DMD: variants seen among roughly 807,000 people sequenced by gnomAD.
DMD encodes the protein mutant dystrophin.
Under a neutral mutation model 330.1 loss-of-function variants are expected in DMD, and 63 were observed. The observed-to-expected ratio is 0.19, with a 90% CI of 0.16 to 0.24. The LOEUF is 0.24. Among genes scored for constraint, DMD ranks in the 10% least tolerant of loss-of-function variants. DMD has a pLI of 1.00. For synonymous variants in DMD, 1,223 were observed against 959.8 expected, an observed-to-expected ratio of 1.27 and a Z score of -5.07; for missense variants, 3,344 against 2,684.1, an observed-to-expected ratio of 1.25 and a Z score of -5.43.
intron 55 of DMD, among the ~76,000 whole-genome samples, chrX:31,543,247 T>G (rs1569550519): frequency 8.9e-6 from 1 of 111,774 alleles, no homozygotes; most frequent in Non-Finnish European, 1.9e-5. Flanking sequence ...CTTGTCTCAC[T>G]GCAACCTCCG....
At chrX:32,119,550 T>C (rs1449201492) in intron 44 of DMD, among the ~76,000 whole-genome samples, 1 of 110,699 alleles carries the variant, frequency 9.0e-6, no homozygotes, top group Non-Finnish European at 1.9e-5. Flanking sequence ...TGAGTCAAGG[T>C]CCCATTACTC....
intron 63 of DMD, among the ~76,000 whole-genome samples, chrX:31,252,840 C>T (rs1211960335): frequency 1.2e-4 from 13 of 111,184 alleles, no homozygotes; most frequent in Non-Finnish European, 2.3e-4. Context: ...GGTGAAACCC[C>T]GTCTCTACTA....
rs189273847 is a variant in DMD, at chrX:32,995,110, C to A, written c.93+25029G>T. Among the ~76,000 whole-genome samples, 748 of 111,930 alleles carry A rather than the reference C, an allele frequency of 6.7e-3. 11 individuals carry two copies. The highest frequency in any genetic ancestry group is 0.023 in the African/African-American group (721 of 30,793). ...ACGAAGTGAGATCTTGTCTCAAAAA[C>A]CAAACCAAAACAAGATAAATAAATG... is the stretch of plus-strand genomic sequence containing the variant. On this transcript the variant is annotated intron_variant, in intron 2 of 78. Transcript: ENST00000357033.
At chrX:33,258,185 AT>A in intron 1 of DMD, among the ~76,000 whole-genome samples, 1 of 111,596 alleles carries the variant, frequency 9.0e-6, no homozygotes, top group South Asian at 3.7e-4. Flanking sequence ...AAATAATAGC[AT>A]TATGGCTCAT....
chrX:32,557,909 A>G (rs2050501785), intron 16 of DMD, among the ~76,000 whole-genome samples: 1 of 110,143 alleles, frequency 9.1e-6, no homozygotes, highest in Admixed American at 9.8e-5. Context: ...TTTACTATTA[A>G]TTACTGTAAT....
chrX:32,715,672 C>T (rs1350969107), intron 7 of DMD, among the ~76,000 whole-genome samples: 12 of 107,496 alleles, frequency 1.1e-4, no homozygotes, highest in African/African-American at 3.4e-4. Context: ...TGGTGGTGGG[C>T]GCCTGTAAAT....
chrX:31,144,620 C>T (rs186041334), intron 76 of DMD, among the ~76,000 whole-genome samples: 50 of 111,619 alleles, frequency 4.5e-4, no homozygotes, highest in Admixed American at 4.1e-3. Flanking sequence ...GAAATGAATT[C>T]CTGAACACAT....
rs1259308944 is a variant in DMD, at chrX:31,847,406, T to C, written c.7099-10587A>G. Among the ~76,000 whole-genome samples, 2 of 111,665 alleles carry C rather than the reference T, an allele frequency of 1.8e-5. 1 individual carries two copies. The highest frequency in any genetic ancestry group is 1.9e-4 in the Admixed American group (2 of 10,465). ...AAAGACCATTTTGAAGATAAATTTC[T>C]ACAATTTACCTCACTACATTTATTT... On this transcript the variant is annotated intron_variant, in intron 48 of 78. Transcript: ENST00000357033.
At chrX:31,751,265 G>A (rs1277521880) in intron 51 of DMD, among the ~76,000 whole-genome samples, 4 of 111,359 alleles carry the variant, frequency 3.6e-5, no homozygotes, top group African/African-American at 1.3e-4. Flanking sequence ...GATAGCATTT[G>A]AACTCAGGTC....
At chrX:32,622,648 G>T (rs1266533891) in intron 11 of DMD, among the ~76,000 whole-genome samples, 1 of 111,616 alleles carries the variant, frequency 9.0e-6, no homozygotes, top group Non-Finnish European at 1.9e-5. Flanking sequence ...CATATACAAA[G>T]TATAAGCTCT....
At chrX:31,881,609 A>G (rs990413735) in intron 47 of DMD, among the ~76,000 whole-genome samples, 7 of 111,506 alleles carry the variant, frequency 6.3e-5, no homozygotes, top group African/African-American at 2.3e-4. Flanking sequence ...ATTTTTTATC[A>G]TTTGTATACT....
At chrX:33,294,658 C>T (rs1223149852) in intron 1 of DMD, among the ~76,000 whole-genome samples, 1 of 108,718 alleles carries the variant, frequency 9.2e-6, no homozygotes, top group East Asian at 2.9e-4. Context: ...AAACTTTTGC[C>T]AAAATGTGTC....
chrX:31,470,331 T>C (rs1243768874), intron 59 of DMD, among the ~76,000 whole-genome samples: 3 of 111,854 alleles, frequency 2.7e-5, no homozygotes. Context: ...TGGTCTTTGA[T>C]GTTGGTGACC....
chrX:33,060,570 C>G (rs2094570507), intron 1 of DMD, among the ~76,000 whole-genome samples: 1 of 111,495 alleles, frequency 9.0e-6, no homozygotes, highest in Admixed American at 9.5e-5. Context: ...TGGTGGCTCA[C>G]GCCTGTAATC....
intron 26 of DMD, among the ~76,000 whole-genome samples, chrX:32,453,845 C>T (rs979405575): frequency 9.0e-6 from 1 of 110,840 alleles, no homozygotes; most frequent in Admixed American, 9.6e-5. Flanking sequence ...AAAAGATCTA[C>T]AGTATTAATA....
At chrX:31,830,371 G>C (rs1307808021) in intron 49 of DMD, among the ~76,000 whole-genome samples, 6 of 112,533 alleles carry the variant, frequency 5.3e-5, no homozygotes, top group African/African-American at 1.9e-4. Context: ...GAGGCAGCCT[G>C]ATCACCTGAG....
chrX:33,233,237 A>G (rs957198801), intron 1 of DMD, among the ~76,000 whole-genome samples: 2 of 111,896 alleles, frequency 1.8e-5, no homozygotes, highest in Non-Finnish European at 3.8e-5. Flanking sequence ...AATAAACGAC[A>G]ACATCAATAC....
chrX:32,107,976 A>C (rs16990112), intron 44 of DMD, among the ~76,000 whole-genome samples: 27,329 of 110,236 alleles, frequency 0.25, 4,297 homozygotes, highest in African/African-American at 0.58. Context: ...ACAAGTAACA[A>C]CTATTCCACA....
At chrX:31,267,527 T>C (rs1026448655) in intron 62 of DMD, among the ~76,000 whole-genome samples, 2 of 111,911 alleles carry the variant, frequency 1.8e-5, no homozygotes, top group Non-Finnish European at 3.8e-5. Context: ...TTCTTAGAAA[T>C]GAAAATTCCC....
Sources: allele counts gnomAD v4.1 joint callset (sites outside exome capture counted in the v4.1 genomes callset), GRCh38; gene constraint gnomAD v4.1.1; transcripts MANE v1.5; gene names NCBI Gene and HGNC (gene_info 2026-07-23, HGNC 2026-07-21).